The following LTBP1 variants were observed in gnomAD, a reference collection of about 807,000 sequenced individuals.
The protein encoded by LTBP1 is latent-transforming growth factor beta-binding protein 1.
Under a neutral mutation model 207.6 loss-of-function variants are expected in LTBP1, and 129 were observed. That is an observed-to-expected ratio of 0.62 (90% CI 0.54 to 0.72). The LOEUF (loss-of-function observed/expected upper bound fraction) is 0.72, where lower values mean the gene tolerates loss of function less well. Ranked by LOEUF, LTBP1 falls within the 30% of genes least tolerant of loss-of-function variation. LTBP1 has a pLI of 0.00. For missense variants in LTBP1, 2,281 were observed against 2,217.2 expected, an observed-to-expected ratio of 1.03 and a Z score of -0.58; for synonymous variants, 963 against 833.7, an observed-to-expected ratio of 1.16 and a Z score of -2.67.
chr2:33,345,761 T>C (rs1374546440), intron 25 of LTBP1, among the ~76,000 whole-genome samples: 1 of 152,114 alleles, frequency 6.6e-6, no homozygotes, highest in Non-Finnish European at 1.5e-5. Flanking sequence ...TTTTTTTTTC[T>C]GGAATGATTT....
chr2:33,065,038 A>G (rs531419864), intron 3 of LTBP1, among the ~76,000 whole-genome samples: 1 of 152,234 alleles, frequency 6.6e-6, no homozygotes, highest in Non-Finnish European at 1.5e-5. Flanking sequence ...TAACAAAATA[A>G]TCATTGTAGA....
At position 33,360,796 on chromosome 2, in the gene LTBP1, T is replaced by G; in HGVS notation, c.4183+17T>G. 6.2e-7 allele frequency: 1 copy of G among 1,612,334 alleles called. No homozygotes were observed. Among genetic ancestry groups the G allele is most frequent in the Non-Finnish European group, 8.5e-7 (1 of 1,178,526 alleles). On this transcript the variant is annotated intron_variant, in intron 27 of 33. Transcript: ENST00000404816. Reference sequence around the variant, plus strand: ...TGGGAACTGGTAAGAATCCGCTTAGTGGTAGAGTCACACTTGTGTTTGGTC... The same window carrying G: ...TGGGAACTGGTAAGAATCCGCTTAGGGGTAGAGTCACACTTGTGTTTGGTC...
chr2:33,310,649 T>C (rs2094172013), intron 23 of LTBP1, among the ~76,000 whole-genome samples: 1 of 152,164 alleles, frequency 6.6e-6, no homozygotes, highest in East Asian at 1.9e-4. Context: ...CCATACCAAT[T>C]ATTGTTACAT....
chr2:33,275,932 G>C lies in LTBP1; in HGVS notation c.2992+9G>C. ...GAGAGGCCGTTGTGAGGGTGAGTCA[G>C]CTGAGAGTGTTCAGCACACATGACG... On this transcript the variant is annotated intron_variant, in intron 18 of 33. Transcript: ENST00000404816. 4 of 1,574,154 alleles carry C rather than the reference G, an allele frequency of 2.5e-6. No homozygotes were observed. The Middle Eastern group carries it at 6.9e-4, about 270-fold the overall frequency.
At chr2:33,284,128 G>A (rs1235623427) in intron 19 of LTBP1, among the ~76,000 whole-genome samples, 3 of 152,156 alleles carry the variant, frequency 2.0e-5, no homozygotes, top group Admixed American at 6.5e-5. Context: ...TGGTGAAACC[G>A]TTAATGGCCT....
chr2:33,016,058 T>C (rs1343332851), intron 2 of LTBP1, among the ~76,000 whole-genome samples: 1 of 152,160 alleles, frequency 6.6e-6, no homozygotes, highest in Non-Finnish European at 1.5e-5. Flanking sequence ...TACCAAACCC[T>C]GTCAGTGGAC....
intron 18 of LTBP1, 91 bp downstream of exon 18, chr2:33,276,014 G>A (rs1292533306): frequency 1.4e-6 from 2 of 1,441,668 alleles, no homozygotes; most frequent in African/African-American, 1.5e-5. Context: ...CCCACACTCA[G>A]TGCGTGACAC....
chr2:33,166,360 C>T (rs1197639835), intron 5 of LTBP1, among the ~76,000 whole-genome samples: 1 of 152,038 alleles, frequency 6.6e-6, no homozygotes, highest in Non-Finnish European at 1.5e-5. Context: ...TCTTTGTATA[C>T]CCAAGTAGTT....
intron 22 of LTBP1, among the ~76,000 whole-genome samples, chr2:33,302,205 G>T (rs1392532297): frequency 1.3e-5 from 2 of 152,192 alleles, no homozygotes; most frequent in African/African-American, 4.8e-5. Flanking sequence ...TCTTCTCCCA[G>T]TGGGCTTCTT....
At chr2:33,171,781 G>A (rs1485842073) in intron 5 of LTBP1, among the ~76,000 whole-genome samples, 1 of 152,108 alleles carries the variant, frequency 6.6e-6, no homozygotes, top group Non-Finnish European at 1.5e-5. Context: ...CCCACAAAGG[G>A]AAGCCCATCA....
At chr2:33,135,063 GTGTC>G in intron 5 of LTBP1, 103 bp downstream of exon 5, 1 of 1,192,146 alleles carries the variant, frequency 8.4e-7, no homozygotes, top group Non-Finnish European at 1.2e-6. Context: ...GCTTCAATGG[GTGTC>G]TGTCTATGAG....
intron 3 of LTBP1, among the ~76,000 whole-genome samples, chr2:33,068,654 AT>A (rs570732385): frequency 7.8e-4 from 118 of 152,246 alleles, no homozygotes; most frequent in South Asian, 1.2e-3. Context: ...TTTTGATAAT[AT>A]TTGCAGTTGA....
chr2:33,174,304 A>G (rs1246878809), intron 5 of LTBP1, among the ~76,000 whole-genome samples: 2 of 151,590 alleles, frequency 1.3e-5, no homozygotes, highest in Non-Finnish European at 2.9e-5. Context: ...CAACTTCAGC[A>G]AAGTCTCAGG....
chr2:33,360,108 G>T (rs867412020), intron 26 of LTBP1, among the ~76,000 whole-genome samples: 1 of 152,170 alleles, frequency 6.6e-6, no homozygotes, highest in Non-Finnish European at 1.5e-5. Flanking sequence ...TGCAGGTTAC[G>T]ACAGTATTTT....
chr2:33,252,708 G>T lies in LTBP1; in HGVS notation c.2031G>T (p.Gly677=). The part of the protein sequence containing the change: ...PDPPVISEEK[G]PCYRLVSSGR... ...CCCCTGTGATCTCGGAAGAGAAAGG[G>T]CCCTGTTACCGACTTGTCAGTTCTG... Residue 677 remains glycine (G), a synonymous_variant, in exon 11 of 34, where the codon GGG becomes GGT. Transcript: ENST00000404816. The T allele has an allele frequency of 1.2e-6, 2 of 1,612,910 alleles. No individual in the cohort carries two copies.
intron 13 of LTBP1, among the ~76,000 whole-genome samples, chr2:33,259,851 T>A (rs2092963865): frequency 6.6e-6 from 1 of 152,162 alleles, no homozygotes; most frequent in Non-Finnish European, 1.5e-5. Flanking sequence ...TCTACTTTCA[T>A]GAAGCTTCAA....
chr2:33,007,664 A>G (rs1344853708), intron 2 of LTBP1, among the ~76,000 whole-genome samples: 1 of 152,222 alleles, frequency 6.6e-6, no homozygotes, highest in Non-Finnish European at 1.5e-5. Flanking sequence ...TTCCAATAGT[A>G]GAAAGAAAAT....
intron 2 of LTBP1, among the ~76,000 whole-genome samples, chr2:32,965,905 A>AAAC (rs1679932533): frequency 6.6e-6 from 1 of 152,202 alleles, no homozygotes; most frequent in African/African-American, 2.4e-5. Context: ...GTGGAAACTG[A>AAAC]AACTGTCTTC....
At chr2:33,065,131 C>A (rs1223179183) in intron 3 of LTBP1, among the ~76,000 whole-genome samples, 1 of 152,058 alleles carries the variant, frequency 6.6e-6, no homozygotes, top group Non-Finnish European at 1.5e-5. Flanking sequence ...GTTGTATTTG[C>A]CAGATGCATT....
Sources: allele counts gnomAD v4.1 joint callset (sites outside exome capture counted in the v4.1 genomes callset), GRCh38; gene constraint gnomAD v4.1.1; transcripts MANE v1.5; gene names NCBI Gene and HGNC (gene_info 2026-07-23, HGNC 2026-07-21).